Variants in CARMIL1 observed in about 807,000 individuals in gnomAD.
CARMIL1 encodes F-actin-uncapping protein LRRC16A.
Under a neutral mutation model 177.1 loss-of-function variants are expected in CARMIL1, and 90 were observed. That is an observed-to-expected ratio of 0.51 (90% confidence interval 0.43 to 0.61). The LOEUF is 0.61. CARMIL1 is among the 20% of genes least tolerant of loss of function. The pLI is 0.00. For synonymous variants in CARMIL1, 577 were observed against 606.2 expected, an observed-to-expected ratio of 0.95 and a Z score of 0.71; for missense variants, 1,380 against 1,667.0, an observed-to-expected ratio of 0.83 and a Z score of 3.00.
rs11414122 is a variant in CARMIL1, at chr6:25,296,935, T to TCTATCTATC, written c.138+12026_138+12027insCTATCTATC. Among the ~76,000 whole-genome samples, 1,128 of 136,434 alleles carry TCTATCTATC rather than the reference T, an allele frequency of 8.3e-3. 11 individuals carry two copies. Among genetic ancestry groups the TCTATCTATC allele is most frequent in the Middle Eastern group, 0.019 (5 of 270 alleles). The allele number at this position is 136,434 out of a possible 152,430, so 89.5% of individuals were successfully genotyped here. A position where few individuals can be genotyped will look rare whatever the true frequency, so the allele number is the denominator to read the frequency against. On this transcript the variant is annotated intron_variant, in intron 2 of 36. Transcript: ENST00000329474. ...TATCTATCTATCTATCTATCTATCTTTAACTAACTAACTAACTAACTAACT... is the reference window on the plus strand; with the variant it reads ...TATCTATCTATCTATCTATCTATCTTCTATCTATCTAACTAACTAACTAACTAACTAACT...
chr6:25,332,769 A>ACACACACACG (rs1167733722), intron 2 of CARMIL1, among the ~76,000 whole-genome samples: 4 of 137,962 alleles, frequency 2.9e-5, no homozygotes, highest in Admixed American at 7.3e-5. Context: ...ACACACACAC[A>ACACACACACG]CACGCGCACA....
chr6:25,441,673 T>A (rs1797797217), intron 5 of CARMIL1, among the ~76,000 whole-genome samples: 1 of 152,156 alleles, frequency 6.6e-6, no homozygotes, highest in African/African-American at 2.4e-5. Context: ...GTGTGTTTTG[T>A]TAACATTCCA....
chr6:25,540,826 C>G (rs1421455404), intron 26 of CARMIL1, among the ~76,000 whole-genome samples: 7 of 152,170 alleles, frequency 4.6e-5, no homozygotes. Context: ...ATTTGAAATG[C>G]AACTCATTAA....
chr6:25,591,995 A>C (rs751696741), intron 31 of CARMIL1, among the ~76,000 whole-genome samples: 15 of 152,326 alleles, frequency 9.8e-5, no homozygotes, highest in Non-Finnish European at 1.8e-4. Flanking sequence ...AAGCAGGAAA[A>C]GAGAAATTTT....
intron 2 of CARMIL1, among the ~76,000 whole-genome samples, chr6:25,412,214 C>T (rs1794962800): frequency 6.6e-6 from 1 of 152,326 alleles, no homozygotes; most frequent in South Asian, 2.1e-4. Context: ...CTCTTCTGAG[C>T]ACTTTAGGTG....
chr6:25,514,026 C>A (rs1805714159), intron 20 of CARMIL1, among the ~76,000 whole-genome samples: 1 of 152,164 alleles, frequency 6.6e-6, no homozygotes, highest in Non-Finnish European at 1.5e-5. Context: ...TCAAGGAATG[C>A]AAACTCAAAT....
Position 25,600,503 on chromosome 6 carries a change from T to G in CARMIL1, c.3309T>G (p.Pro1103=), listed in dbSNP as rs756297346. The stretch of plus-strand genomic sequence containing the variant: ...CAAAAGGGGCAGTCAGAAGTCCACC[T>G]GTGGACTGTCCCAGGAAGGACACAA... ...SSPKGAVRSP[P]VDCPRKDTKA... is the part of the protein sequence containing the mutation. The change falls in exon 33 of 37, where the codon CCT becomes CCG. Residue 1103 remains proline (P), a synonymous_variant. Coordinates refer to ENST00000329474, the MANE Select transcript of CARMIL1 (RefSeq NM_017640.6). 4 of 1,613,992 alleles carry G rather than the reference T, an allele frequency of 2.5e-6. No homozygotes were observed. Among genetic ancestry groups the G allele is most frequent in the Non-Finnish European group, 3.4e-6 (4 of 1,179,860 alleles).
intron 8 of CARMIL1, among the ~76,000 whole-genome samples, chr6:25,463,731 G>A (rs1203274872): frequency 6.6e-6 from 1 of 151,956 alleles, no homozygotes; most frequent in Non-Finnish European, 1.5e-5. Flanking sequence ...AGAGATACAG[G>A]AACTTGTTCT....
intron 9 of CARMIL1, among the ~76,000 whole-genome samples, chr6:25,467,982 A>G (rs1800765426): frequency 6.6e-6 from 1 of 152,190 alleles, no homozygotes; most frequent in South Asian, 2.1e-4. Context: ...TTCAAAGAAA[A>G]GGACAATGTG....
At chr6:25,280,730 T>C (rs1161003787) in intron 1 of CARMIL1, among the ~76,000 whole-genome samples, 2 of 152,104 alleles carry the variant, frequency 1.3e-5, no homozygotes, top group Admixed American at 1.3e-4. Context: ...TATATGTGTG[T>C]AGCATGTTAT....
At chr6:25,570,879 C>T (rs1035375156) in intron 29 of CARMIL1, among the ~76,000 whole-genome samples, 1 of 152,174 alleles carries the variant, frequency 6.6e-6, no homozygotes, top group Non-Finnish European at 1.5e-5. Context: ...AGAGTTATAA[C>T]TTCCCTATAC....
chr6:25,435,467 C>T lies in CARMIL1; in HGVS notation c.250-16C>T, dbSNP rs969339863. 1.1e-4 allele frequency: 163 copies of T among 1,548,152 alleles called. No homozygotes were observed. The highest frequency in any genetic ancestry group is 1.4e-4 in the Non-Finnish European group (155 of 1,145,374). Reference sequence around the variant, plus strand: ...ATTGGACTCATTCTTAAGAAGTGTCCCACCGGTTCTTGCAGATGATTGTGG... The same window carrying T: ...ATTGGACTCATTCTTAAGAAGTGTCTCACCGGTTCTTGCAGATGATTGTGG... On this transcript the variant is annotated splice_polypyrimidine_tract_variant and intron_variant, in intron 4 of 36. Coordinates refer to ENST00000329474, the MANE Select transcript of CARMIL1 (RefSeq NM_017640.6).
intron 5 of CARMIL1, among the ~76,000 whole-genome samples, chr6:25,438,735 A>T (rs2150781650): frequency 6.6e-6 from 1 of 152,278 alleles, no homozygotes; most frequent in South Asian, 2.1e-4. Flanking sequence ...CTGGTGATGT[A>T]GATGTAGTTG....
intron 31 of CARMIL1, among the ~76,000 whole-genome samples, chr6:25,585,975 T>C (rs1813614146): frequency 6.6e-6 from 1 of 152,226 alleles, no homozygotes; most frequent in Admixed American, 6.5e-5. Context: ...AACAATCTGA[T>C]TTCTCTTTCC....
chr6:25,348,226 G>A (rs1285574676), intron 2 of CARMIL1, among the ~76,000 whole-genome samples: 2 of 151,974 alleles, frequency 1.3e-5, no homozygotes, highest in African/African-American at 4.8e-5. Context: ...TCCGCCTCCC[G>A]GGTTCAATCG....
intron 4 of CARMIL1, among the ~76,000 whole-genome samples, chr6:25,434,990 C>T (rs150898717): frequency 1.3e-5 from 2 of 152,112 alleles, no homozygotes; most frequent in Non-Finnish European, 2.9e-5. Flanking sequence ...CCTATGGGTA[C>T]CCACAGAAAG....
intron 23 of CARMIL1, among the ~76,000 whole-genome samples, chr6:25,528,138 A>G (rs1039254408): frequency 2.0e-5 from 3 of 152,142 alleles, no homozygotes; most frequent in Non-Finnish European, 2.9e-5. Context: ...TGAATTTTTC[A>G]TAGTAGATAA....
chr6:25,370,829 T>TA (rs968590594), intron 2 of CARMIL1, among the ~76,000 whole-genome samples: 16 of 152,146 alleles, frequency 1.1e-4, no homozygotes, highest in African/African-American at 3.4e-4. Flanking sequence ...ACAAATTGTA[T>TA]AGTGGTGAAG....
chr6:25,297,513 A>G (rs1027873566), intron 2 of CARMIL1, among the ~76,000 whole-genome samples: 6 of 152,142 alleles, frequency 3.9e-5, no homozygotes, highest in African/African-American at 4.8e-5. Flanking sequence ...TCTCTGTTCA[A>G]TATCTCTCTC....
Sources: allele counts gnomAD v4.1 joint callset (sites outside exome capture counted in the v4.1 genomes callset), GRCh38; gene constraint gnomAD v4.1.1; transcripts MANE v1.5; gene names NCBI Gene and HGNC (gene_info 2026-07-23, HGNC 2026-07-21).